ZFAND6: variants seen among roughly 807,000 people sequenced by gnomAD.
The protein encoded by ZFAND6 is zinc finger AN1-type containing 6.
A neutral mutation model predicts 24.5 loss-of-function variants in ZFAND6; 12 were observed. The observed-to-expected ratio is 0.49, with a 90% confidence interval of 0.31 to 0.79. The LOEUF is 0.79. Ranked by LOEUF, ZFAND6 falls within the 30% of genes least tolerant of loss-of-function variation. The probability of loss-of-function intolerance (pLI) is 0.04; values close to 1 mark genes in which losing one functional copy is unlikely to be tolerated. For missense variants in ZFAND6, 207 were observed against 245.9 expected (o/e 0.84, Z 1.06); for synonymous variants, 92 against 81.5 (o/e 1.13, Z -0.69).
chr15:80,103,723 G>T (rs2141953839), intron 2 of ZFAND6, among the ~76,000 whole-genome samples: 1 of 152,296 alleles, frequency 6.6e-6, no homozygotes, highest in South Asian at 2.1e-4. Flanking sequence ...TGCCTTCTCA[G>T]TCTGCTTTCT....
intron 5 of ZFAND6, among the ~76,000 whole-genome samples, chr15:80,125,242 T>TA (rs2040326086): frequency 6.6e-6 from 1 of 152,174 alleles, no homozygotes; most frequent in Non-Finnish European, 1.5e-5. Flanking sequence ...TGTTAACACA[T>TA]ACATCTCCCT....
At chr15:80,095,307 T>C (rs1373883163) in intron 1 of ZFAND6, among the ~76,000 whole-genome samples, 1 of 152,218 alleles carries the variant, frequency 6.6e-6, no homozygotes, top group Non-Finnish European at 1.5e-5. Context: ...TTGGCAGGAA[T>C]GTTACACTTG....
At chr15:80,120,520 C>T (rs370868773) in intron 3 of ZFAND6, 22 bp downstream of exon 3, 26 of 1,475,750 alleles carry the variant, frequency 1.8e-5, no homozygotes, top group Non-Finnish European at 2.2e-5. Flanking sequence ...TAGTGAAACC[C>T]GTCTATATTC....
intron 5 of ZFAND6, among the ~76,000 whole-genome samples, chr15:80,127,198 A>G (rs2040403991): frequency 6.6e-6 from 1 of 152,200 alleles, no homozygotes; most frequent in Non-Finnish European, 1.5e-5. Flanking sequence ...AATAATTACA[A>G]TTCAACAATA....
intron 2 of ZFAND6, among the ~76,000 whole-genome samples, chr15:80,104,411 T>C (rs2039204255): frequency 1.3e-5 from 2 of 152,020 alleles, no homozygotes; most frequent in Admixed American, 6.6e-5. Flanking sequence ...CCCAGCTACT[T>C]GGGAAGCTGA....
intron 1 of ZFAND6, chr15:80,073,204 TTGA>T: frequency 4.9e-6 from 1 of 202,142 alleles, no homozygotes; most frequent in Non-Finnish European, 1.1e-5. Flanking sequence ...AAAAAGGCCA[TTGA>T]TGAACAAAGT....
At chr15:80,085,504 G>A (rs575832838) in intron 1 of ZFAND6, among the ~76,000 whole-genome samples, 1 of 152,248 alleles carries the variant, frequency 6.6e-6, no homozygotes, top group African/African-American at 2.4e-5. Context: ...GCTTAAAACA[G>A]TTCCACTTCT....
chr15:80,079,541 G>C (rs1206035157), intron 1 of ZFAND6, among the ~76,000 whole-genome samples: 1 of 150,544 alleles, frequency 6.6e-6, no homozygotes, highest in East Asian at 2.0e-4. Context: ...TTCTTTTGCT[G>C]TTCTTTTGGT....
chr15:80,111,322 C>G (rs2039597572), intron 2 of ZFAND6: 1 of 338,650 alleles, frequency 3.0e-6, no homozygotes, highest in South Asian at 2.3e-5. Context: ...GTTCCAGGAC[C>G]CCCCTCATCC....
In ZFAND6 at chr15:80,062,012, CTTACTT is replaced by C. The variant is rs59724763; in HGVS notation, c.-181+2205_-181+2210del. ...CTGTTAACCTATGTGTAATGACTCTCTTACTTTGAAGTCACATTGTAAAAAGTCTGG... is the reference window on the plus strand; with the variant it reads ...CTGTTAACCTATGTGTAATGACTCTCTGAAGTCACATTGTAAAAAGTCTGG... On this transcript the variant is annotated intron_variant, in intron 1 of 6. Transcript: ENST00000261749. 0.02 allele frequency among the ~76,000 whole-genome samples: 3,099 copies of C among 152,268 alleles called. 213 individuals are homozygous for C. In the East Asian group the frequency reaches 0.22, roughly 11 times the overall value.
At chr15:80,078,105 A>G (rs1421770800) in intron 1 of ZFAND6, among the ~76,000 whole-genome samples, 5 of 152,206 alleles carry the variant, frequency 3.3e-5, no homozygotes, top group Admixed American at 1.3e-4. Flanking sequence ...TAGGTTTGTT[A>G]CATGGGTAAA....
intron 1 of ZFAND6, among the ~76,000 whole-genome samples, chr15:80,079,201 T>TA (rs1368600391): frequency 3.9e-5 from 6 of 152,172 alleles, no homozygotes; most frequent in Non-Finnish European, 8.8e-5. Flanking sequence ...ATTCTGTAGA[T>TA]TATCTGTTTA....
At chr15:80,090,032 TCTTC>T (rs1171827361) in intron 1 of ZFAND6, among the ~76,000 whole-genome samples, 1 of 152,220 alleles carries the variant, frequency 6.6e-6, no homozygotes, top group Non-Finnish European at 1.5e-5. Flanking sequence ...GTATAACTTC[TCTTC>T]CTTGTTTCTA....
At chr15:80,088,226 T>C (rs2038122645) in intron 1 of ZFAND6, among the ~76,000 whole-genome samples, 1 of 152,182 alleles carries the variant, frequency 6.6e-6, no homozygotes, top group African/African-American at 2.4e-5. Flanking sequence ...TTTTTGATCC[T>C]AACCCTCTAC....
At chr15:80,063,601 A>G (rs771963235) in intron 1 of ZFAND6, among the ~76,000 whole-genome samples, 2 of 150,156 alleles carry the variant, frequency 1.3e-5, no homozygotes, top group Non-Finnish European at 3.0e-5. Context: ...TCTGTTATAC[A>G]GGCTAGAGTG....
intron 2 of ZFAND6, among the ~76,000 whole-genome samples, chr15:80,099,582 A>G (rs1200193451): frequency 6.6e-6 from 1 of 150,574 alleles, no homozygotes; most frequent in Non-Finnish European, 1.5e-5. Context: ...GAAAACATTT[A>G]GAAAACGTGA....
intron 2 of ZFAND6, among the ~76,000 whole-genome samples, chr15:80,116,285 G>T (rs961893168): frequency 4.6e-5 from 7 of 152,116 alleles, no homozygotes; most frequent in African/African-American, 1.7e-4. Context: ...GAGAGTGCAC[G>T]TTTTATAAGC....
chr15:80,090,825 C>T (rs1300837046), intron 1 of ZFAND6, among the ~76,000 whole-genome samples: 1 of 152,204 alleles, frequency 6.6e-6, no homozygotes, highest in African/African-American at 2.4e-5. Context: ...CATGTATCTT[C>T]AGGCAACCCA....
At chr15:80,110,135 CTT>C (rs2039534049) in intron 2 of ZFAND6, among the ~76,000 whole-genome samples, 1 of 152,170 alleles carries the variant, frequency 6.6e-6, no homozygotes, top group African/African-American at 2.4e-5. Flanking sequence ...CACAGTGTCT[CTT>C]ATGCCCTAGA....
Sources: gnomAD v4.1 joint callset for allele counts (sites outside exome capture counted in the v4.1 genomes callset) on GRCh38, gnomAD v4.1.1 for gene constraint, MANE v1.5 for transcripts, NCBI Gene and HGNC (gene_info 2026-07-23, HGNC 2026-07-21) for gene names.